The following ABLIM1 variants were observed in gnomAD, a reference collection of about 807,000 sequenced individuals.
ABLIM1 encodes the protein actin binding LIM protein 1.
ABLIM1 carries 40 observed loss-of-function variants against 107.0 expected under a neutral mutation model. That is an observed-to-expected ratio of 0.37 (90% CI 0.29 to 0.49). ABLIM1 has a LOEUF of 0.49. Ranked by LOEUF, ABLIM1 falls within the 20% of genes least tolerant of loss-of-function variation. The pLI, the probability that ABLIM1 is intolerant of heterozygous loss-of-function variation, is 0.97. For missense variants in ABLIM1, 857 were observed against 1,008.5 expected (o/e 0.85, Z 2.04); for synonymous variants, 357 against 357.3 (o/e 1.00, Z 0.01).
At chr10:114,632,964 G>C (rs2078278335) in intron 1 of ABLIM1, among the ~76,000 whole-genome samples, 2 of 152,136 alleles carry the variant, frequency 1.3e-5, no homozygotes, top group Non-Finnish European at 1.5e-5. Flanking sequence ...CCTGTGAGCT[G>C]AGGACTTCTG....
At chr10:114,641,536 C>T (rs530742734) in intron 1 of ABLIM1, among the ~76,000 whole-genome samples, 15 of 152,008 alleles carry the variant, frequency 9.9e-5, no homozygotes, top group Non-Finnish European at 2.2e-4. Context: ...TATTAGAAAG[C>T]GGTAAGTACT....
intron 8 of ABLIM1, among the ~76,000 whole-genome samples, chr10:114,476,857 T>A: frequency 6.6e-6 from 1 of 152,066 alleles, no homozygotes; most frequent in East Asian, 1.9e-4. Flanking sequence ...ATCTCACATT[T>A]TCCAAACTTA....
intron 6 of ABLIM1, among the ~76,000 whole-genome samples, chr10:114,528,071 T>C (rs1042120638): frequency 6.6e-6 from 1 of 151,774 alleles, no homozygotes; most frequent in Non-Finnish European, 1.5e-5. Context: ...CTCTTGACCT[T>C]GTGATCCGCC....
intron 1 of ABLIM1, among the ~76,000 whole-genome samples, chr10:114,749,837 C>G (rs2082472646): frequency 6.6e-6 from 1 of 152,118 alleles, no homozygotes; most frequent in Admixed American, 6.5e-5. Context: ...ACTCCCATAG[C>G]TCGCTTTCTC....
At chr10:114,581,243 G>C (rs922379764) in intron 2 of ABLIM1, among the ~76,000 whole-genome samples, 1 of 152,350 alleles carries the variant, frequency 6.6e-6, no homozygotes, top group Admixed American at 6.5e-5. Context: ...CCATGGAACA[G>C]GAGGGGAACA....
At chr10:114,623,834 T>G (rs1177340683) in intron 1 of ABLIM1, among the ~76,000 whole-genome samples, 2 of 152,206 alleles carry the variant, frequency 1.3e-5, no homozygotes, top group East Asian at 3.8e-4. Flanking sequence ...ATCTTCATAG[T>G]TAAATGCAAG....
chr10:114,792,916 C>T, the ABLIM1 span, among the ~76,000 whole-genome samples: 1 of 152,142 alleles, frequency 6.6e-6, no homozygotes, highest in Non-Finnish European at 1.5e-5. Flanking sequence ...CTTTGGGAGG[C>T]AGAAGTGGGA....
intron 7 of ABLIM1, among the ~76,000 whole-genome samples, chr10:114,489,268 C>T (rs1401264047): frequency 2.6e-5 from 4 of 152,150 alleles, no homozygotes; most frequent in Admixed American, 1.3e-4. Context: ...CCACCCACCT[C>T]GGCCTACCAA....
At chr10:114,693,956 C>T (rs2081142776) in intron 1 of ABLIM1, among the ~76,000 whole-genome samples, 1 of 152,016 alleles carries the variant, frequency 6.6e-6, no homozygotes, top group Admixed American at 6.5e-5. Flanking sequence ...AGCCACCATG[C>T]CCAGTCTATT....
At chr10:114,680,552 G>T (rs2141557859) in intron 1 of ABLIM1, among the ~76,000 whole-genome samples, 1 of 152,270 alleles carries the variant, frequency 6.6e-6, no homozygotes, top group South Asian at 2.1e-4. Flanking sequence ...AGTGTGGAAG[G>T]GGCAGAAATG....
At chr10:114,588,600 T>C (rs2074464953) in intron 2 of ABLIM1, among the ~76,000 whole-genome samples, 1 of 144,124 alleles carries the variant, frequency 6.9e-6, no homozygotes, top group Admixed American at 7.1e-5. Context: ...GTTCAAGCAA[T>C]TCTCCTTCCT....
intron 1 of ABLIM1, among the ~76,000 whole-genome samples, chr10:114,755,481 A>G (rs1020170967): frequency 1.3e-5 from 2 of 152,220 alleles, no homozygotes; most frequent in African/African-American, 4.8e-5. Flanking sequence ...GGCGGGGACT[A>G]TACCTTACTC....
intron 6 of ABLIM1, among the ~76,000 whole-genome samples, chr10:114,525,734 A>G (rs2064603869): frequency 6.6e-6 from 1 of 152,222 alleles, no homozygotes; most frequent in Non-Finnish European, 1.5e-5. Flanking sequence ...TGAGAGAAAA[A>G]CAGGCTCAGT....
At chr10:114,485,192 G>A (rs1018187078) in intron 8 of ABLIM1, 1 of 792,360 alleles carries the variant, frequency 1.3e-6, no homozygotes, top group Non-Finnish European at 1.9e-6. Context: ...TCTGCTTTCT[G>A]CAGGAGCCGA....
At chr10:114,497,681 C>CAAAAAAAAAAAAA (rs576676119) in intron 6 of ABLIM1, among the ~76,000 whole-genome samples, 1 of 75,590 alleles carries the variant, frequency 1.3e-5, no homozygotes, top group African/African-American at 5.1e-5. Flanking sequence ...GATTCTGTCT[C>CAAAAAAAAAAAAA]AAAAAAAAAA....
At chr10:114,678,340 T>C (rs2080584756) in intron 1 of ABLIM1, among the ~76,000 whole-genome samples, 2 of 152,230 alleles carry the variant, frequency 1.3e-5, no homozygotes, top group South Asian at 4.1e-4. Flanking sequence ...TATTGAACAA[T>C]CATATAATTG....
intron 1 of ABLIM1, among the ~76,000 whole-genome samples, chr10:114,708,230 G>A (rs1034879661): frequency 1.3e-5 from 2 of 152,156 alleles, no homozygotes; most frequent in African/African-American, 2.4e-5. Context: ...GAAACAAAAC[G>A]ACCTCAACAG....
At chr10:114,639,335 G>T (rs1459732920) in intron 1 of ABLIM1, among the ~76,000 whole-genome samples, 2 of 152,232 alleles carry the variant, frequency 1.3e-5, no homozygotes, top group Non-Finnish European at 2.9e-5. Context: ...TCATAAATAG[G>T]CACTAATTAA....
the ABLIM1 span, among the ~76,000 whole-genome samples, chr10:114,773,096 A>T: frequency 2.6e-5 from 4 of 152,098 alleles, no homozygotes; most frequent in Non-Finnish European, 5.9e-5. Context: ...TAGGATAAGA[A>T]GATCTAATTT....
Sources: allele counts gnomAD v4.1 joint callset (sites outside exome capture counted in the v4.1 genomes callset), GRCh38; gene constraint gnomAD v4.1.1; transcripts MANE v1.5; gene names NCBI Gene and HGNC (gene_info 2026-07-23, HGNC 2026-07-21).